Variants in CFAP65 observed in about 807,000 individuals in gnomAD.
CFAP65 encodes cilia and flagella associated protein 65, also known as cilia- and flagella-associated protein 65.
In CFAP65, 155 loss-of-function variants were observed where a neutral mutation model predicts 208.0. The observed-to-expected ratio is 0.75, with a 90% confidence interval of 0.65 to 0.85. The LOEUF (loss-of-function observed/expected upper bound fraction) is 0.85, where lower values mean the gene tolerates loss of function less well. Among genes scored for constraint, CFAP65 ranks in the 40% least tolerant of loss-of-function variants. CFAP65 has a pLI of 0.00. For synonymous variants in CFAP65, 970 were observed against 986.3 expected, an observed-to-expected ratio of 0.98 and a Z score of 0.31; for missense variants, 2,294 against 2,451.3, an observed-to-expected ratio of 0.94 and a Z score of 1.36.
At chr2:219,024,381 C>A in intron 14 of CFAP65, 121 bp from the exon 15 acceptor site, 3 of 1,238,726 alleles carry the variant, frequency 2.4e-6, no homozygotes, top group Non-Finnish European at 3.3e-6. Flanking sequence ...TGCTGCCCTG[C>A]AGCCCAGTCA....
chr2:219,020,969 C>G (rs1947228158), intron 19 of CFAP65, among the ~76,000 whole-genome samples, 183 bp downstream of exon 19: 1 of 152,220 alleles, frequency 6.6e-6, no homozygotes, highest in Admixed American at 6.5e-5. Flanking sequence ...CACATATGGA[C>G]ACTCATCTGG....
intron 29 of CFAP65, among the ~76,000 whole-genome samples, chr2:219,007,664 C>G (rs1202033432): frequency 1.3e-5 from 2 of 152,094 alleles, no homozygotes; most frequent in Non-Finnish European, 2.9e-5. Context: ...GACCCTCCCC[C>G]TCCCAAAACA....
intron 16 of CFAP65, 59 bp from the exon 17 acceptor site, chr2:219,022,388 G>C: frequency 6.5e-7 from 1 of 1,542,018 alleles, no homozygotes; most frequent in Non-Finnish European, 8.8e-7. Flanking sequence ...CAGGTACCTG[G>C]CCATCCGAGG....
chr2:219,005,901 C>G, intron 31 of CFAP65, 120 bp downstream of exon 31: 1 of 1,029,732 alleles, frequency 9.7e-7, no homozygotes, highest in Non-Finnish European at 1.4e-6. Flanking sequence ...TCAATGAGCC[C>G]CACTGCTGCT....
At chr2:219,009,177 A>AGG in intron 28 of CFAP65, 23 bp from the exon 29 acceptor site, 1 of 1,603,480 alleles carries the variant, frequency 6.2e-7, no homozygotes, top group Non-Finnish European at 8.5e-7. Flanking sequence ...ACAGAGAGAG[A>AGG]GAAGGCCAAG....
intron 5 of CFAP65, chr2:219,033,677 A>G (rs970502219): frequency 5.3e-5 from 8 of 152,222 alleles, no homozygotes; most frequent in African/African-American, 9.6e-5. Flanking sequence ...CAGAAAATCA[A>G]TCCTACCAGA....
Position 219,031,470 on chromosome 2 carries a change from A to G in CFAP65, c.815+19T>C. On this transcript the variant is annotated intron_variant, in intron 7 of 34. Coordinates refer to ENST00000341552, the MANE Select transcript of CFAP65 (RefSeq NM_194302.4). This position sits in a 1 kb window ranked among gnomAD's most constrained non-coding sequence, Gnocchi z 5.2. ...TCACAGCTCTTGCTCTCCCCGCCGC[A>G]CCTCAGCCTCTTCCTCACCCCACAT... is the stretch of plus-strand genomic sequence containing the variant. The G allele has an allele frequency of 6.2e-7, 1 of 1,613,974 alleles. No homozygotes were observed. Among genetic ancestry groups the G allele is most frequent in the East Asian group, 2.2e-5 (1 of 44,866 alleles).
chr2:219,039,803 C>T (rs1948568104), intron 2 of CFAP65, among the ~76,000 whole-genome samples: 1 of 152,146 alleles, frequency 6.6e-6, no homozygotes, highest in East Asian at 1.9e-4. Flanking sequence ...TTGGACTACC[C>T]ATATTTTCAG....
intron 11 of CFAP65, among the ~76,000 whole-genome samples, chr2:219,028,742 A>T (rs1324841141): frequency 1.3e-5 from 2 of 152,118 alleles, no homozygotes; most frequent in Non-Finnish European, 2.9e-5. Flanking sequence ...GGAGGAGAAT[A>T]TGGGGGGCTG....
chr2:219,041,356 T>C, intron 1 of CFAP65, 132 bp downstream of exon 1: 1 of 868,098 alleles, frequency 1.2e-6, no homozygotes, highest in Non-Finnish European at 1.9e-6. Context: ...CATGGGGCTC[T>C]CTGAAGGGCA....
intron 20 of CFAP65, 124 bp from the exon 21 acceptor site, chr2:219,019,303 G>T (rs187086813): frequency 1.0e-4 from 129 of 1,291,946 alleles, no homozygotes; most frequent in Non-Finnish European, 1.3e-4. Context: ...GGACTCAGGC[G>T]CAAGGGTGGG....
chr2:219,013,260 T>G lies in CFAP65; in HGVS notation c.3956A>C (p.Gln1319Pro). 1 of 1,608,842 alleles carries G rather than the reference T, an allele frequency of 6.2e-7. No homozygotes were observed. Among genetic ancestry groups the G allele is most frequent in the South Asian group, 1.1e-5 (1 of 90,634 alleles). The change falls in exon 24 of 35, where the codon CAG becomes CCG. Residue 1319 changes from glutamine (Q) to proline (P), a missense_variant and splice_region_variant. Transcript: ENST00000341552. ...IPIGDTLPPR[Q>P]IYELYNGGSV... ...AACAGGACAATGTGGACCACTGACC[T>G]GCCGTGGGGGTAGCGTGTCACCAAT...
Position 219,021,170 on chromosome 2 carries a change from A to T in CFAP65, c.3241T>A (p.Ser1081Thr). ...TAGGTACCTCTGTGGGAAAGGAGAG[A>T]GTAGGTGATGGTCCAGGAGTACTGG... ...RSQYSWTITY[S>T]LLSHRDNKAG... The change falls in exon 19 of 35, where the codon TCT becomes ACT. Residue 1081 changes from serine to threonine, a missense_variant. Ser to Thr is a moderately conservative substitution (Grantham distance 58). Around this residue, in one of 2 missense-constraint regions of CFAP65, gnomAD observed 1,427 missense variants for 1,438.7 expected, o/e 0.99. Transcript: ENST00000341552. 1 of 1,581,352 alleles carries T rather than the reference A, an allele frequency of 6.3e-7. No individual in the cohort carries two copies. Among genetic ancestry groups the T allele is most frequent in the Non-Finnish European group, 8.6e-7 (1 of 1,163,446 alleles).
At chr2:219,029,188 G>A (rs1947851693) in intron 11 of CFAP65, among the ~76,000 whole-genome samples, 1 of 152,230 alleles carries the variant, frequency 6.6e-6, no homozygotes, top group Admixed American at 6.5e-5. Flanking sequence ...CGCCTGGCCT[G>A]GTAGCAGGGC....
chr2:219,025,656 G>A (rs1947581426), intron 14 of CFAP65, among the ~76,000 whole-genome samples: 1 of 152,180 alleles, frequency 6.6e-6, no homozygotes, highest in Non-Finnish European at 1.5e-5. Context: ...TGGTGCGGCT[G>A]TCATATCCCT....
chr2:219,035,457 T>G (rs1293046531), intron 5 of CFAP65, 23 bp downstream of exon 5: 10 of 1,614,058 alleles, frequency 6.2e-6, no homozygotes, highest in Non-Finnish European at 8.5e-6. Context: ...TGGCACTGGG[T>G]CCTTGATCCC....
rs764901427 is a variant in CFAP65, at chr2:219,030,209, C to T, written c.1162-1G>A. On this transcript the variant is annotated splice_acceptor_variant, in intron 9 of 34. Transcript: ENST00000341552. LOFTEE classifies it high-confidence loss of function. ...TTTCAATCCTGAAGGGGGCATTTAC[C>T]TGTGTGGCCAAGCAGAAGGACAAAG... 11 of 1,613,804 alleles carry T rather than the reference C, an allele frequency of 6.8e-6. No homozygotes were observed. The highest frequency in any genetic ancestry group is 9.3e-6 in the Non-Finnish European group (11 of 1,179,920).
rs1309449866 is a variant in CFAP65, at chr2:219,005,483, A to G, written c.5002T>C (p.Ser1668Pro). Residue 1668 changes from serine to proline, a missense_variant, in exon 32 of 35, where the codon TCC (serine) becomes CCC (proline). By Grantham distance (74) the Ser-to-Pro change is moderately conservative. This residue lies in a region of CFAP65 where 1,427 missense variants were observed against 1,438.7 expected (regional missense o/e 0.99). Coordinates refer to ENST00000341552, the MANE Select transcript of CFAP65 (RefSeq NM_194302.4). The part of the protein sequence containing the change: ...EKSPNKWGPV[S>P]KQKKQLLVDI... ...ACCAGGAGCTGCTTCTTCTGCTTGG[A>G]AACAGGGCCCCACTTGTTAGGGGAT... 1 of 1,613,640 alleles carries G rather than the reference A, an allele frequency of 6.2e-7. No homozygotes were observed. The highest frequency in any genetic ancestry group is 1.1e-5 in the South Asian group (1 of 91,064).
At chr2:219,012,733 C>T (rs1946570303) in intron 24 of CFAP65, among the ~76,000 whole-genome samples, 1 of 152,258 alleles carries the variant, frequency 6.6e-6, no homozygotes, top group African/African-American at 2.4e-5. Flanking sequence ...TCCAGAAGGA[C>T]ATCCTTTTTG....
Sources: allele counts gnomAD v4.1 joint callset (sites outside exome capture counted in the v4.1 genomes callset), GRCh38; gene constraint gnomAD v4.1.1; regional missense constraint gnomAD v4.1.1; non-coding constraint Gnocchi (gnomAD v3.1); transcripts MANE v1.5; gene names NCBI Gene and HGNC (gene_info 2026-07-23, HGNC 2026-07-21).